The following FMNL2 variants were observed in gnomAD, a reference collection of about 807,000 sequenced individuals.
FMNL2 encodes the protein formin-like protein 2.
Under a neutral mutation model 130.2 loss-of-function variants are expected in FMNL2, and 51 were observed. The observed-to-expected ratio is 0.39, with a 90% CI of 0.31 to 0.49. The LOEUF is 0.49. FMNL2 is among the 20% of genes least tolerant of loss of function. The pLI, the probability that FMNL2 is intolerant of heterozygous loss-of-function variation, is 0.85. For missense variants in FMNL2, 977 were observed against 1,316.2 expected (o/e 0.74, Z 3.99); for synonymous variants, 465 against 467.1 (o/e 1.00, Z 0.06).
intron 1 of FMNL2, among the ~76,000 whole-genome samples, chr2:152,417,326 G>A (rs1349321996): frequency 2.0e-5 from 3 of 152,124 alleles, no homozygotes; most frequent in Non-Finnish European, 4.4e-5. Flanking sequence ...AAAACTTCAC[G>A]GTTCTGGTTT....
At chr2:152,446,495 T>G (rs1035024018) in intron 1 of FMNL2, among the ~76,000 whole-genome samples, 3 of 152,210 alleles carry the variant, frequency 2.0e-5, no homozygotes, top group African/African-American at 7.2e-5. Context: ...TTTCAACTTT[T>G]GTGATTGTTT....
chr2:152,509,076 A>G (rs760450515), intron 1 of FMNL2, among the ~76,000 whole-genome samples: 21 of 152,224 alleles, frequency 1.4e-4, no homozygotes, highest in Non-Finnish European at 2.5e-4. Flanking sequence ...GGCTGAAACC[A>G]GACCACACAC....
At chr2:152,566,859 CAAT>C (rs754436847) in intron 6 of FMNL2, among the ~76,000 whole-genome samples, 82 of 152,202 alleles carry the variant, frequency 5.4e-4, no homozygotes, top group Non-Finnish European at 1.0e-3. Flanking sequence ...TGTGAAACAA[CAAT>C]GAGTAAGACC....
rs149718283 is a variant in FMNL2 at position 152,455,927 on chromosome 2, G to A, written c.118-66016G>A. Among the ~76,000 whole-genome samples the A allele has an allele frequency of 5.4e-4, 82 of 152,284 alleles. 1 individual carries two copies. The highest frequency in any genetic ancestry group is 8.2e-4 in the Non-Finnish European group (56 of 68,024). ...ACGGGGTCTCACTACGTTGCCCAGT[G>A]TGGTCTTTTAACTCCTAGCCTCAAT... On this transcript the variant is annotated intron_variant, in intron 1 of 25. Transcript: ENST00000288670.
At chr2:152,636,039 G>A (rs1309717314) in intron 21 of FMNL2, among the ~76,000 whole-genome samples, 2 of 152,162 alleles carry the variant, frequency 1.3e-5, no homozygotes, top group African/African-American at 4.8e-5. Flanking sequence ...GGACCTCTGA[G>A]CCTACGGGCC....
intron 1 of FMNL2, among the ~76,000 whole-genome samples, chr2:152,462,040 T>TGTGTA (rs1480925853): frequency 6.6e-6 from 1 of 152,018 alleles, no homozygotes; most frequent in African/African-American, 2.4e-5. Context: ...GGACTAGAGG[T>TGTGTA]GTGTACCATC....
intron 1 of FMNL2, among the ~76,000 whole-genome samples, chr2:152,403,771 A>G (rs1685834694): frequency 6.6e-6 from 1 of 152,198 alleles, no homozygotes; most frequent in Non-Finnish European, 1.5e-5. Flanking sequence ...TAACAGAATT[A>G]TAAGAAATAA....
At chr2:152,360,524 A>G (rs1683103077) in intron 1 of FMNL2, among the ~76,000 whole-genome samples, 2 of 151,956 alleles carry the variant, frequency 1.3e-5, no homozygotes, top group Admixed American at 1.3e-4. Flanking sequence ...TTGTTTCCCT[A>G]TTAACAGATG....
In FMNL2 at chr2:152,647,813, T is replaced by C. The variant is rs747485599; in HGVS notation, c.3187T>C (p.Tyr1063His). Reference protein sequence around the residue: ...DIITDLRNQPYRRADAVRRSV... With the variant: ...DIITDLRNQPHRRADAVRRSV... The stretch of plus-strand genomic sequence containing the variant: ...CTTTACAGATCTTAGAAACCAACCA[T>C]ACAGACGAGCCGATGCGGTGAGGAG... Residue 1063 changes from tyrosine (Y) to histidine (H), a missense_variant, in exon 26 of 26, where the codon TAC becomes CAC. By Grantham distance (83) the Tyr-to-His change is moderately conservative. This residue lies in a region of FMNL2 where 168 missense variants were observed against 168.8 expected (regional missense o/e 1.00). Transcript: ENST00000288670. 14 of 1,613,782 alleles carry C rather than the reference T, an allele frequency of 8.7e-6. No homozygotes were observed. The highest frequency in any genetic ancestry group is 6.7e-5 in the Admixed American group (4 of 59,990).
At chr2:152,590,592 T>A (rs933179799) in intron 9 of FMNL2, among the ~76,000 whole-genome samples, 3 of 151,860 alleles carry the variant, frequency 2.0e-5, no homozygotes, top group African/African-American at 7.3e-5. Flanking sequence ...CCAGCCTAGG[T>A]GACAGAGTAA....
rs530645815 is a variant in FMNL2, at chr2:152,425,865, C to T, written c.117+90145C>T. ...CCAAACGACTTCCCCCATCCCATCT[C>T]TCTGGTATGAGCACTTCAGGAAACA... is the stretch of plus-strand genomic sequence containing the variant. On this transcript the variant is annotated intron_variant, in intron 1 of 25. Transcript: ENST00000288670. Among the ~76,000 whole-genome samples, 15 of 152,312 alleles carry T rather than the reference C, an allele frequency of 9.8e-5. No individual in the cohort carries two copies. In the East Asian group the frequency reaches 2.9e-3, roughly 29 times the overall value.
At chr2:152,516,805 A>G (rs1004657458) in intron 1 of FMNL2, among the ~76,000 whole-genome samples, 6 of 152,172 alleles carry the variant, frequency 3.9e-5, no homozygotes, top group South Asian at 2.1e-4. Flanking sequence ...TGTGTTGTGT[A>G]TGATAATCTG....
intron 1 of FMNL2, among the ~76,000 whole-genome samples, chr2:152,414,153 C>A (rs566554435): frequency 1.4e-4 from 22 of 152,092 alleles, no homozygotes; most frequent in African/African-American, 5.3e-4. Flanking sequence ...GATTTTCAGT[C>A]CATTTTTCCT....
intron 1 of FMNL2, among the ~76,000 whole-genome samples, chr2:152,501,462 G>A (rs1448143615): frequency 6.6e-6 from 1 of 152,196 alleles, no homozygotes; most frequent in African/African-American, 2.4e-5. Context: ...ATGGGTTGAT[G>A]GAAATGCTAA....
At position 152,500,877 on chromosome 2, in the gene FMNL2, CAGTT is replaced by C. The variant is rs565906420; in HGVS notation, c.118-21063_118-21060del. On this transcript the variant is annotated intron_variant, in intron 1 of 25. Transcript: ENST00000288670. ...TCAAAACTCGGATGTCTACAGGAGT[CAGTT>C]AGGTCTCTTAAATTTGTAAAATCTG... Among the ~76,000 whole-genome samples, 526 of 152,268 alleles carry C rather than the reference CAGTT, an allele frequency of 3.5e-3. 5 individuals carry two copies. The highest frequency in any genetic ancestry group is 4.8e-3 in the Non-Finnish European group (328 of 68,030).
intron 1 of FMNL2, among the ~76,000 whole-genome samples, chr2:152,481,059 G>T (rs1169238214): frequency 6.6e-6 from 1 of 152,214 alleles, no homozygotes; most frequent in Non-Finnish European, 1.5e-5. Context: ...GCATATGTAT[G>T]TGCTTGTGCA....
intron 1 of FMNL2, among the ~76,000 whole-genome samples, chr2:152,459,635 A>G (rs1689136319): frequency 6.6e-6 from 1 of 152,192 alleles, no homozygotes; most frequent in Non-Finnish European, 1.5e-5. Flanking sequence ...CTTTTAAAAA[A>G]CGAGCTATTT....
At chr2:152,409,356 G>T (rs1033341332) in intron 1 of FMNL2, among the ~76,000 whole-genome samples, 1 of 152,184 alleles carries the variant, frequency 6.6e-6, no homozygotes, top group Non-Finnish European at 1.5e-5. Context: ...GTTTTTTTTG[G>T]TGAGGATATG....
At chr2:152,339,287 G>A (rs920741446) in intron 1 of FMNL2, among the ~76,000 whole-genome samples, 1 of 152,092 alleles carries the variant, frequency 6.6e-6, no homozygotes, top group African/African-American at 2.4e-5. Flanking sequence ...GCCCAGGGAA[G>A]CCAAAAGATT....
Sources: gnomAD v4.1 joint callset for allele counts (sites outside exome capture counted in the v4.1 genomes callset) on GRCh38, gnomAD v4.1.1 for gene constraint, gnomAD v4.1.1 regional missense constraint, MANE v1.5 for transcripts, NCBI Gene and HGNC (gene_info 2026-07-23, HGNC 2026-07-21) for gene names.